Variants in SLC68A1 observed in about 807,000 individuals in gnomAD.
The protein encoded by SLC68A1 is solute carrier family 68 member 1.
the SLC68A1 span, chr10:102,476,001 AC>A: frequency 6.8e-7 from 1 of 1,474,628 alleles, no homozygotes; most frequent in African/African-American, 1.5e-5. Context: ...TGGCAAGGTC[AC>A]CCCACTGAGG....
At chr10:102,473,555 CG>C in the SLC68A1 span, 1 of 1,577,772 alleles carries the variant, frequency 6.3e-7, no homozygotes, top group Admixed American at 1.8e-5. Flanking sequence ...GGTGGCTCCC[CG>C]TCTTCCTCCC....
the SLC68A1 span, chr10:102,470,178 C>G: frequency 9.2e-7 from 1 of 1,092,594 alleles, no homozygotes; most frequent in East Asian, 2.5e-5. Flanking sequence ...GAAGGGGAGA[C>G]TATTTCAGTG....
At chr10:102,470,118 C>G in the SLC68A1 span, 1 of 1,568,826 alleles carries the variant, frequency 6.4e-7, no homozygotes, top group Non-Finnish European at 8.8e-7. Context: ...CAGTCCCACC[C>G]TACTGCTACC....
chr10:102,465,895 A>T, the SLC68A1 span: 3 of 152,292 alleles, frequency 2.0e-5, no homozygotes, highest in Non-Finnish European at 4.4e-5. Flanking sequence ...TACCTGGACA[A>T]GTTGCAGTTG....
the SLC68A1 span, among the ~76,000 whole-genome samples, chr10:102,464,719 G>A: frequency 6.7e-6 from 1 of 150,084 alleles, no homozygotes; most frequent in Non-Finnish European, 1.5e-5. Flanking sequence ...GAACCTGGGA[G>A]GCAGAGGTTG....
chr10:102,475,844 G>T, the SLC68A1 span: 6 of 1,614,032 alleles, frequency 3.7e-6, no homozygotes, highest in Non-Finnish European at 5.1e-6. Flanking sequence ...CTACCTGCTG[G>T]TGCTGGTGCC....
At chr10:102,464,926 C>T in the SLC68A1 span, among the ~76,000 whole-genome samples, 1 of 152,064 alleles carries the variant, frequency 6.6e-6, no homozygotes, top group Non-Finnish European at 1.5e-5. Flanking sequence ...CAAGACCAGC[C>T]TGGCCAATAT....
chr10:102,471,024 G>A, the SLC68A1 span: 1 of 1,613,548 alleles, frequency 6.2e-7, no homozygotes, highest in Non-Finnish European at 8.5e-7. Flanking sequence ...GTCAGCTCTG[G>A]GCTGGGCTTT....
the SLC68A1 span, among the ~76,000 whole-genome samples, chr10:102,461,640 C>A: frequency 6.6e-6 from 1 of 150,822 alleles, no homozygotes; most frequent in African/African-American, 2.4e-5. Context: ...GCGGAAGAAG[C>A]GGGGTTCAAG....
At chr10:102,468,977 T>C in the SLC68A1 span, 1 of 1,535,642 alleles carries the variant, frequency 6.5e-7, no homozygotes, top group South Asian at 1.2e-5. Context: ...GAAGACCGCC[T>C]GTGGCCATGA....
the SLC68A1 span, among the ~76,000 whole-genome samples, chr10:102,463,665 C>A: frequency 2.0e-5 from 3 of 152,120 alleles, no homozygotes; most frequent in Non-Finnish European, 4.4e-5. Flanking sequence ...TTGTTTTAGT[C>A]AAAACCTGTT....
the SLC68A1 span, chr10:102,471,361 A>G: frequency 1.9e-6 from 3 of 1,613,520 alleles, no homozygotes; most frequent in Non-Finnish European, 2.5e-6. Flanking sequence ...ACGCCATCGG[A>G]ACTTCCTGTG....
chr10:102,471,342 GC>G, the SLC68A1 span: 1 of 1,613,766 alleles, frequency 6.2e-7, no homozygotes, highest in African/African-American at 1.3e-5. Flanking sequence ...GGTATCTCCG[GC>G]AGCTGGCACG....
At chr10:102,469,018 GGGGCTGCAGCCATGGGGCT>G in the SLC68A1 span, 1 of 1,608,702 alleles carries the variant, frequency 6.2e-7, no homozygotes, top group Non-Finnish European at 8.5e-7. Flanking sequence ...GGCTAAGGCT[GGGGCTGCAGCCATGGGGCT>G]GGGTCAGCCC....
the SLC68A1 span, chr10:102,471,875 T>G: frequency 3.0e-6 from 1 of 337,268 alleles, no homozygotes; most frequent in South Asian, 2.2e-5. Flanking sequence ...TCTAGCTCCC[T>G]CTGAGCTTTT....
chr10:102,470,060 T>G, the SLC68A1 span: 2 of 1,614,004 alleles, frequency 1.2e-6, no homozygotes, highest in Admixed American at 1.7e-5. Flanking sequence ...CGGCAGTTCC[T>G]CAGCTCCCAG....
At chr10:102,468,784 A>G in the SLC68A1 span, 2 of 401,522 alleles carry the variant, frequency 5.0e-6, no homozygotes, top group Admixed American at 3.9e-5. Context: ...CTCCCAGATT[A>G]GTGGTGTCTA....
the SLC68A1 span, chr10:102,469,924 C>G: frequency 1.9e-6 from 3 of 1,561,720 alleles, no homozygotes; most frequent in South Asian, 2.4e-5. Flanking sequence ...GGTGAGCAGG[C>G]TGAGGGGGGA....
chr10:102,472,197 A>T, the SLC68A1 span: 7 of 337,304 alleles, frequency 2.1e-5, no homozygotes, highest in Admixed American at 2.4e-4. Flanking sequence ...TACCTAAAAC[A>T]TGCAGTATAT....
Sources: gnomAD v4.1 joint callset for allele counts (sites outside exome capture counted in the v4.1 genomes callset) on GRCh38, gnomAD v4.1.1 for gene constraint, MANE v1.5 for transcripts, NCBI Gene and HGNC (gene_info 2026-07-23, HGNC 2026-07-21) for gene names.